XRCC5: variants seen among roughly 807,000 people sequenced by gnomAD.
XRCC5 encodes the protein X-ray repair cross complementing 5.
Under a neutral mutation model 95.7 loss-of-function variants are expected in XRCC5, and 12 were observed. That is an observed-to-expected ratio of 0.13 (90% CI 0.08 to 0.20). XRCC5 has a LOEUF of 0.20. XRCC5 is among the 10% of genes least tolerant of loss of function. The pLI, the probability that XRCC5 is intolerant of heterozygous loss-of-function variation, is 1.00. For missense variants in XRCC5, 595 were observed against 873.9 expected (o/e 0.68, Z 4.02); for synonymous variants, 281 against 290.3 (o/e 0.97, Z 0.33).
At position 216,148,091 on chromosome 2, in the gene XRCC5, G is replaced by A; in HGVS notation, c.1485G>A (p.Leu495=). 1 of 1,613,062 alleles carries A rather than the reference G, an allele frequency of 6.2e-7. No individual in the cohort carries two copies. The highest frequency in any genetic ancestry group is 1.7e-5 in the Admixed American group (1 of 59,742). The part of the protein sequence containing the change: ...PRFQRLFQCL[L]HRALHPREPL... ...CTTACTTTTTCCAACAGTGTCTGCTGCACAGAGCTTTACATCCCCGGGAGC... is the reference window on the plus strand; with the variant it reads ...CTTACTTTTTCCAACAGTGTCTGCTACACAGAGCTTTACATCCCCGGGAGC... The change falls in exon 14 of 21, where the codon CTG becomes CTA. Residue 495 remains leucine (L), a synonymous_variant. Transcript: ENST00000392132.
At chr2:216,163,324 T>G (rs917121620) in intron 16 of XRCC5, among the ~76,000 whole-genome samples, 1 of 152,046 alleles carries the variant, frequency 6.6e-6, no homozygotes, top group South Asian at 2.1e-4. Flanking sequence ...TTCTTTTTCT[T>G]TTTTTTGGGG....
Position 216,119,105 on chromosome 2 carries a change from A to G in XRCC5, c.431A>G (p.Lys144Arg). ...ACTGACCTCAGCAGCCGATTCAGCA[A>G]AAGTCAGCTGGATATTATAATTCAT... ...IFTDLSSRFS[K>R]SQLDIIIHSL... The change falls in exon 5 of 21, where the codon AAA (lysine) becomes AGA (arginine). Residue 144 changes from lysine to arginine, a missense_variant. By Grantham distance (26) the Lys-to-Arg change is conservative. Coordinates refer to ENST00000392132, the MANE Select transcript of XRCC5 (RefSeq NM_021141.4). 1 of 1,614,130 alleles carries G rather than the reference A, an allele frequency of 6.2e-7. No individual in the cohort carries two copies. The highest frequency in any genetic ancestry group is 8.5e-7 in the Non-Finnish European group (1 of 1,179,960).
chr2:216,141,211 TTTGA>T lies in XRCC5; in HGVS notation c.1373_1376del (p.Ile458ThrfsTer3). On this transcript the variant is annotated frameshift_variant, in exon 13 of 21. Coordinates refer to ENST00000392132, the MANE Select transcript of XRCC5 (RefSeq NM_021141.4). LOFTEE classifies it high-confidence loss of function. ...AGGCACAGTTGAATGCTGTTGATGCTTTGATTGACTCCATGAGCTTGGCAAAGAA... is the reference window on the plus strand; with the variant it reads ...AGGCACAGTTGAATGCTGTTGATGCTTTGACTCCATGAGCTTGGCAAAGAA... The T allele has an allele frequency of 6.2e-7, 1 of 1,614,156 alleles. No individual in the cohort carries two copies. The highest frequency in any genetic ancestry group is 8.5e-7 in the Non-Finnish European group (1 of 1,180,016).
At chr2:216,122,363 C>A in intron 6 of XRCC5, 110 bp downstream of exon 6, 1 of 1,004,876 alleles carries the variant, frequency 1.0e-6, no homozygotes, top group Non-Finnish European at 1.4e-6. Flanking sequence ...TCTAATTAGT[C>A]ATTGCTTAAT....
intron 19 of XRCC5, among the ~76,000 whole-genome samples, chr2:216,198,286 T>C (rs1289948540): frequency 6.7e-6 from 1 of 149,430 alleles, no homozygotes; most frequent in Non-Finnish European, 1.5e-5. Flanking sequence ...CAAATGACTT[T>C]CTGGCCTAGA....
chr2:216,115,162 T>G (rs761035065), intron 2 of XRCC5, among the ~76,000 whole-genome samples: 14 of 121,594 alleles, frequency 1.2e-4, no homozygotes, highest in Non-Finnish European at 2.4e-4. Flanking sequence ...CTTGCTTATG[T>G]CTGTCGTTTC....
At chr2:216,175,164 A>T in intron 16 of XRCC5, 1 of 340,206 alleles carries the variant, frequency 2.9e-6, no homozygotes, top group Non-Finnish European at 5.8e-6. Flanking sequence ...CTGGTTCACC[A>T]TCTCCATAGC....
At chr2:216,191,074 T>C (rs1689605123) in intron 17 of XRCC5, among the ~76,000 whole-genome samples, 1 of 152,136 alleles carries the variant, frequency 6.6e-6, no homozygotes, top group Non-Finnish European at 1.5e-5. Context: ...AAAATTAGAT[T>C]CAATAACAGA....
Position 216,141,338 on chromosome 2 carries a change from A to G in XRCC5, c.1476+19A>G. On this transcript the variant is annotated intron_variant, in intron 13 of 20. Transcript: ENST00000392132. ...ATTTCAGGTAAGAGAAGAAGGATGA[A>G]CAAGTCATATTTCTTTTAAATGAAA... The G allele has an allele frequency of 6.2e-7, 1 of 1,613,744 alleles. No homozygotes were observed. Among genetic ancestry groups the G allele is most frequent in the Non-Finnish European group, 8.5e-7 (1 of 1,179,824 alleles).
At chr2:216,199,093 A>T (rs983638289) in intron 19 of XRCC5, among the ~76,000 whole-genome samples, 2 of 152,222 alleles carry the variant, frequency 1.3e-5, no homozygotes, top group Non-Finnish European at 2.9e-5. Flanking sequence ...CAAATGTTCA[A>T]TTTGGTCACT....
chr2:216,190,021 A>G (rs981398218), intron 16 of XRCC5, among the ~76,000 whole-genome samples: 2 of 152,216 alleles, frequency 1.3e-5, no homozygotes, highest in South Asian at 2.1e-4. Flanking sequence ...ACAAATATCA[A>G]TAGGTATCAT....
At chr2:216,194,168 C>T (rs909977995) in intron 18 of XRCC5, among the ~76,000 whole-genome samples, 4 of 152,196 alleles carry the variant, frequency 2.6e-5, no homozygotes, top group African/African-American at 9.7e-5. Flanking sequence ...CCTCTCTTAA[C>T]GTCCATAGGT....
At chr2:216,167,289 C>T (rs978060502) in intron 16 of XRCC5, among the ~76,000 whole-genome samples, 2 of 152,064 alleles carry the variant, frequency 1.3e-5, no homozygotes, top group African/African-American at 4.8e-5. Context: ...TTTAATCTCA[C>T]TTACTAGAAA....
intron 18 of XRCC5, among the ~76,000 whole-genome samples, chr2:216,193,704 C>T (rs1036674807): frequency 2.0e-5 from 3 of 152,140 alleles, no homozygotes; most frequent in African/African-American, 4.8e-5. Flanking sequence ...ATGCCTATAG[C>T]GTATTATTTG....
At chr2:216,122,398 G>A (rs995676659) in intron 6 of XRCC5, 145 bp downstream of exon 6, 10 of 746,762 alleles carry the variant, frequency 1.3e-5, no homozygotes, top group African/African-American at 7.1e-5. Flanking sequence ...TAAAGAAATA[G>A]TACACCCACC....
intron 16 of XRCC5, among the ~76,000 whole-genome samples, chr2:216,186,154 A>T (rs1216354479): frequency 6.6e-6 from 1 of 152,212 alleles, no homozygotes; most frequent in Non-Finnish European, 1.5e-5. Flanking sequence ...GCTCTGTCAG[A>T]TGGAGGAGAA....
Position 216,119,089 on chromosome 2 carries a change from A to G in XRCC5, c.415A>G (p.Ser139Gly). Residue 139 changes from serine (S) to glycine (G), a missense_variant, in exon 5 of 21, where the codon AGC becomes GGC. Transcript: ENST00000392132. ...GCATATTGAAATATTCACTGACCTCAGCAGCCGATTCAGCAAAAGTCAGCT... is the reference window on the plus strand; with the variant it reads ...GCATATTGAAATATTCACTGACCTCGGCAGCCGATTCAGCAAAAGTCAGCT... ...KRHIEIFTDL[S>G]SRFSKSQLDI... 1 of 1,614,160 alleles carries G rather than the reference A, an allele frequency of 6.2e-7. No individual in the cohort carries two copies. The highest frequency in any genetic ancestry group is 8.5e-7 in the Non-Finnish European group (1 of 1,179,972).
rs910586079 is a variant in XRCC5, at chr2:216,122,102, A to G, written c.532A>G (p.Arg178Gly). ...TGGCAAGGAAGATGGAAGTGGGGAC[A>G]GAGGAGATGGCCCCTTTCGCTTAGG... ...SLGKEDGSGDRGDGPFRLGGH... is the reference protein window; with the variant it reads ...SLGKEDGSGDGGDGPFRLGGH... Residue 178 changes from arginine (R) to glycine (G), a missense_variant, in exon 6 of 21, where the codon AGA becomes GGA. By Grantham distance (125) the Arg-to-Gly change is moderately radical. Coordinates refer to ENST00000392132, the MANE Select transcript of XRCC5 (RefSeq NM_021141.4). The G allele has an allele frequency of 6.2e-7, 1 of 1,614,064 alleles. No individual in the cohort carries two copies.
chr2:216,118,467 A>G (rs770096530), intron 4 of XRCC5, among the ~76,000 whole-genome samples: 1 of 152,214 alleles, frequency 6.6e-6, no homozygotes, highest in African/African-American at 2.4e-5. Context: ...ATGAACCACC[A>G]TGCCTGGCCT....
Sources: gnomAD v4.1 joint callset for allele counts (sites outside exome capture counted in the v4.1 genomes callset) on GRCh38, gnomAD v4.1.1 for gene constraint, MANE v1.5 for transcripts, NCBI Gene and HGNC (gene_info 2026-07-23, HGNC 2026-07-21) for gene names.